Variants in CUBN observed in about 807,000 individuals in gnomAD.
The protein encoded by CUBN is cubilin.
A neutral mutation model predicts 405.3 loss-of-function variants in CUBN; 282 were observed. That is an observed-to-expected ratio of 0.70 (90% CI 0.63 to 0.77). The LOEUF (loss-of-function observed/expected upper bound fraction) is 0.77, where lower values mean the gene tolerates loss of function less well. Ranked by LOEUF, CUBN falls within the 30% of genes least tolerant of loss-of-function variation. CUBN has a pLI of 0.00. For synonymous variants in CUBN, 1,684 were observed against 1,617.0 expected, an observed-to-expected ratio of 1.04 and a Z score of -0.99; for missense variants, 4,514 against 4,475.2, an observed-to-expected ratio of 1.01 and a Z score of -0.25.
At chr10:16,972,932 A>T (rs1206921429) in intron 31 of CUBN, among the ~76,000 whole-genome samples, 3 of 152,032 alleles carry the variant, frequency 2.0e-5, no homozygotes, top group Non-Finnish European at 4.4e-5. Flanking sequence ...CTTCCCAAAC[A>T]GACATGCTAC....
Position 17,065,227 on chromosome 10 carries a change from G to A in CUBN, c.3139+281C>T, listed in dbSNP as rs190799177. On this transcript the variant is annotated intron_variant, in intron 22 of 66. Transcript: ENST00000377833. The stretch of plus-strand genomic sequence containing the variant: ...TTTGGAGACATTATATTTCTTTACC[G>A]TCTGAAAACTTCAGTGTATTGTTCC... Among the ~76,000 whole-genome samples, 258 of 145,926 alleles carry A rather than the reference G, an allele frequency of 1.8e-3. 1 individual carries two copies. Among genetic ancestry groups the A allele is most frequent in the Non-Finnish European group, 2.6e-3 (173 of 67,434 alleles).
intron 29 of CUBN, among the ~76,000 whole-genome samples, chr10:16,987,163 T>C (rs1833449389): frequency 6.6e-6 from 1 of 152,210 alleles, no homozygotes; most frequent in South Asian, 2.1e-4. Context: ...CTCTAAAGAC[T>C]TTCTCAGAGA....
chr10:17,060,170 G>A (rs1213008489), intron 22 of CUBN, among the ~76,000 whole-genome samples: 2 of 151,378 alleles, frequency 1.3e-5, no homozygotes, highest in Non-Finnish European at 2.9e-5. Flanking sequence ...TGCCCAGGCT[G>A]GAGTGCAGTG....
chr10:17,076,900 C>A (rs1378566945), intron 17 of CUBN, among the ~76,000 whole-genome samples: 1 of 152,172 alleles, frequency 6.6e-6, no homozygotes, highest in African/African-American at 2.4e-5. Context: ...TTATTGAAAG[C>A]CACAGACGCT....
rs190067405 is a variant in CUBN at position 17,085,902 on chromosome 10, T to C, written c.1948-143A>G. On this transcript the variant is annotated intron_variant, in intron 15 of 66. Transcript: ENST00000377833. ...CCCCATCACATCCAAATGTAACTCA[T>C]GGCTGAGGTTCAGCAAAGTGTGTCT... 55 of 737,336 alleles carry C rather than the reference T, an allele frequency of 7.5e-5. No individual in the cohort carries two copies. The Admixed American group carries it at 1.0e-3, about 13-fold the overall frequency. The allele number at this position is 737,336 out of a possible 1,614,324, so 45.7% of individuals were successfully genotyped here.
At position 17,037,923 on chromosome 10, in the gene CUBN, G is replaced by A. The variant is rs1161847490; in HGVS notation, c.4017+3110C>T. Among the ~76,000 whole-genome samples, 5 of 147,324 alleles carry A rather than the reference G, an allele frequency of 3.4e-5. No individual in the cohort carries two copies. In the Admixed American group the frequency reaches 3.5e-4, roughly 10 times the overall value. On this transcript the variant is annotated intron_variant, in intron 27 of 66. Transcript: ENST00000377833. ...ACCTCTCTCGACTGCTCTTCCCTTG[G>A]CTCCCATGACACAGTCACCTTTTTT... is the stretch of plus-strand genomic sequence containing the variant.
intron 28 of CUBN, among the ~76,000 whole-genome samples, chr10:17,001,547 G>C (rs574492338): frequency 6.6e-6 from 1 of 152,180 alleles, no homozygotes; most frequent in African/African-American, 2.4e-5. Flanking sequence ...AGTTCTCCGA[G>C]TCCCCACTGG....
chr10:17,093,924 A>T (rs1441468957), intron 14 of CUBN, among the ~76,000 whole-genome samples: 2 of 152,144 alleles, frequency 1.3e-5, no homozygotes, highest in Non-Finnish European at 2.9e-5. Flanking sequence ...TATTAGAAAC[A>T]GTCAAAACCT....
chr10:16,981,779 G>A (rs891846456), intron 31 of CUBN, among the ~76,000 whole-genome samples: 20 of 152,074 alleles, frequency 1.3e-4, no homozygotes, highest in Non-Finnish European at 2.5e-4. Context: ...CACCCCCTTC[G>A]CAAGTCCTGT....
chr10:16,999,109 G>A (rs546355420), intron 28 of CUBN, among the ~76,000 whole-genome samples: 19 of 152,290 alleles, frequency 1.2e-4, no homozygotes, highest in African/African-American at 4.3e-4. Context: ...GATACAAGAA[G>A]CTTAGAAATC....
chr10:16,941,961 C>T (rs990631987), intron 36 of CUBN, among the ~76,000 whole-genome samples: 6 of 151,970 alleles, frequency 3.9e-5, no homozygotes, highest in African/African-American at 1.5e-4. Context: ...AAAAGGAATT[C>T]CTACAGATAA....
chr10:16,898,870 A>G lies in CUBN; in HGVS notation c.8598+126T>C, dbSNP rs1588630462. The G allele has an allele frequency of 1.3e-5, 10 of 743,412 alleles. No homozygotes were observed. In the East Asian group the frequency reaches 2.3e-4, roughly 17 times the overall value. 46.1% of individuals were successfully genotyped at this position (743,412 alleles called of 1,614,324 possible). A position where few individuals can be genotyped will look rare whatever the true frequency, so the allele number is the denominator to read the frequency against. On this transcript the variant is annotated intron_variant, in intron 54 of 66. Coordinates refer to ENST00000377833, the MANE Select transcript of CUBN (RefSeq NM_001081.4). ...AACAGTTGAGGTTTCTCACTTTCTC[A>G]CTTTTCATCCAAGGAATCCAGGCAG...
At position 17,068,202 on chromosome 10, in the gene CUBN, T is replaced by C. The variant is rs748865271; in HGVS notation, c.2870A>G (p.Asn957Ser). 3.4e-5 allele frequency: 55 copies of C among 1,613,652 alleles called. No individual in the cohort carries two copies. The East Asian group carries it at 1.1e-3, about 31-fold the overall frequency. Residue 957 changes from asparagine to serine, a missense_variant, in exon 21 of 67, where the codon AAC (asparagine) becomes AGC (serine). Physicochemically the swap from Asn to Ser is conservative, Grantham distance 46. Transcript: ENST00000377833. ...TTGGACTAATATATGCCAAGTACAG[T>C]TGATACCGTGGGGGTAGACATTTGG... Reference protein sequence around the residue: ...GHPNVYPHGINCTWHILVQPN... With the variant: ...GHPNVYPHGISCTWHILVQPN...
intron 28 of CUBN, 112 bp downstream of exon 28, chr10:17,019,721 C>A (rs548684810): frequency 7.9e-7 from 1 of 1,272,866 alleles, no homozygotes; most frequent in South Asian, 1.2e-5. Context: ...GAGATTACTA[C>A]CTGGGTTCCA....
chr10:16,828,530 C>T (rs1462738737), intron 66 of CUBN, among the ~76,000 whole-genome samples: 2 of 152,082 alleles, frequency 1.3e-5, no homozygotes, highest in East Asian at 3.9e-4. Flanking sequence ...CCAGCCTGGT[C>T]AACATGGCAA....
intron 36 of CUBN, 61 bp downstream of exon 36, chr10:16,947,174 C>T (rs1842808419): frequency 1.3e-6 from 2 of 1,574,548 alleles, no homozygotes; most frequent in Non-Finnish European, 1.7e-6. Flanking sequence ...CTATTAGCAC[C>T]AGAACTTCTT....
At chr10:16,972,855 T>A (rs1377609242) in intron 31 of CUBN, among the ~76,000 whole-genome samples, 1 of 151,954 alleles carries the variant, frequency 6.6e-6, no homozygotes, top group Non-Finnish European at 1.5e-5. Flanking sequence ...CCCTGCGCTC[T>A]CCATGTGTCC....
At position 16,952,035 on chromosome 10, in the gene CUBN, T is replaced by C. The variant is rs1038141552; in HGVS notation, c.4969+241A>G. 1.1e-4 allele frequency among the ~76,000 whole-genome samples: 17 copies of C among 152,320 alleles called. 5 individuals are homozygous for C. The highest frequency in any genetic ancestry group is 2.0e-4 in the Admixed American group (3 of 15,294). On this transcript the variant is annotated intron_variant, in intron 33 of 66. Transcript: ENST00000377833. ...GTGCGTGTGTGTGTTTTTTAACCTT[T>C]GCTAGGCCTTGACATGAAAAAAAAG... is the stretch of plus-strand genomic sequence containing the variant.
At chr10:17,063,542 T>C (rs953407864) in intron 22 of CUBN, among the ~76,000 whole-genome samples, 1 of 152,214 alleles carries the variant, frequency 6.6e-6, no homozygotes, top group African/African-American at 2.4e-5. Context: ...TTTGCTTCTA[T>C]CTCTTTTCCT....
Sources: allele counts gnomAD v4.1 joint callset (sites outside exome capture counted in the v4.1 genomes callset), GRCh38; gene constraint gnomAD v4.1.1; transcripts MANE v1.5; gene names NCBI Gene and HGNC (gene_info 2026-07-23, HGNC 2026-07-21).